Variants in JAG2 observed in about 807,000 individuals in gnomAD.
JAG2 encodes the protein jagged canonical Notch ligand 2, also known as protein jagged-2.
A neutral mutation model predicts 141.7 loss-of-function variants in JAG2; 46 were observed. The observed-to-expected ratio is 0.32, with a 90% CI of 0.26 to 0.42. The LOEUF is 0.42. JAG2 is among the 10% of genes least tolerant of loss of function. The pLI is 1.00. For missense variants in JAG2, 1,500 were observed against 1,817.5 expected (o/e 0.83, Z 3.18); for synonymous variants, 862 against 763.5 (o/e 1.13, Z -2.13).
At chr14:105,143,758 C>G in intron 24 of JAG2, 120 bp from the exon 25 acceptor site, 1 of 1,253,950 alleles carries the variant, frequency 8.0e-7, no homozygotes, top group Non-Finnish European at 1.1e-6. Context: ...GACGAGAGCC[C>G]GGGGTCCTGC....
In JAG2 at chr14:105,145,676, C is replaced by G. The variant is rs587714989; in HGVS notation, c.2952+55G>C. On this transcript the variant is annotated intron_variant, in intron 23 of 25. Coordinates refer to ENST00000331782, the MANE Select transcript of JAG2 (RefSeq NM_002226.5). ...GCGGGGCTAGGCTTTCGCCATGCCA[C>G]GAGCAGATGCCGGCGTGTGGCCTCT... is the stretch of plus-strand genomic sequence containing the variant. 3.9e-6 allele frequency: 6 copies of G among 1,554,374 alleles called. No individual in the cohort carries two copies. The Admixed American group carries it at 9.5e-5, about 25-fold the overall frequency.
At chr14:105,152,479 C>T (rs957963671) in intron 5 of JAG2, among the ~76,000 whole-genome samples, 188 bp from the exon 6 acceptor site, 46 of 152,212 alleles carry the variant, frequency 3.0e-4, no homozygotes, top group Admixed American at 2.9e-3. Context: ...CGGGCATTCC[C>T]GGCCGCTGGC....
chr14:105,166,922 C>T (rs1888929528), intron 2 of JAG2, among the ~76,000 whole-genome samples: 1 of 152,184 alleles, frequency 6.6e-6, no homozygotes, highest in African/African-American at 2.4e-5. Context: ...AGGGCAAGGC[C>T]GTGCTCCAGG....
At position 105,147,370 on chromosome 14, in the gene JAG2, C is replaced by A; in HGVS notation, c.2435G>T (p.Arg812Leu). Residue 812 changes from arginine to leucine, a missense_variant, in exon 20 of 26, where the codon CGC becomes CTC. This residue lies in a region of JAG2 where 875 missense variants were observed against 1,202.2 expected (regional missense o/e 0.73). Transcript: ENST00000331782. ...GICVDGVNWF[R>L]CECAPGFAGP... is the part of the protein sequence containing the mutation. ...CGCGAAGCCAGGTGCACACTCGCAG[C>A]GGAACCAGTTGACGCCGTCAACACA... 4 of 1,590,966 alleles carry A rather than the reference C, an allele frequency of 2.5e-6. No individual in the cohort carries two copies. In the South Asian group the frequency reaches 4.5e-5, roughly 18 times the overall value.
In JAG2 at chr14:105,162,563, CCCAGGGCACCCCAGTT is replaced by C. The variant is rs1338460577; in HGVS notation, c.418-4816_418-4801del. Among the ~76,000 whole-genome samples the C allele has an allele frequency of 2.5e-4, 38 of 151,798 alleles. 1 individual carries two copies. Among genetic ancestry groups the C allele is most frequent in the African/African-American group, 8.5e-4 (35 of 41,372 alleles). On this transcript the variant is annotated intron_variant, in intron 2 of 25. Transcript: ENST00000331782. ...CTGCATGGCCCAGCATACTCCAAGA[CCCAGGGCACCCCAGTT>C]CCAGGGCACCCCAAAGCCCAGGGTA...
In JAG2 at chr14:105,151,925, GC is replaced by G; in HGVS notation, c.1039+12del. ...TGCCTGGCCAGAATTTGGGTGGCCA[GC>G]CCCCCACGTACCCTTCTCACAGTTC... On this transcript the variant is annotated intron_variant, in intron 7 of 25. Coordinates refer to ENST00000331782, the MANE Select transcript of JAG2 (RefSeq NM_002226.5). 6 of 1,612,624 alleles carry G rather than the reference GC, an allele frequency of 3.7e-6. No homozygotes were observed. Among genetic ancestry groups the G allele is most frequent in the Non-Finnish European group, 5.1e-6 (6 of 1,179,990 alleles).
rs1213950568 is a variant in JAG2, at chr14:105,151,608, T to G, written c.1153+18A>C. On this transcript the variant is annotated intron_variant, in intron 8 of 25. Transcript: ENST00000331782. ...CTGATACTAGGCAGGAGTCCCCTACTCACGTGCAGACACTCACCAAGGGCA... is the reference window on the plus strand; with the variant it reads ...CTGATACTAGGCAGGAGTCCCCTACGCACGTGCAGACACTCACCAAGGGCA... 2 of 1,577,456 alleles carry G rather than the reference T, an allele frequency of 1.3e-6. No individual in the cohort carries two copies. Among genetic ancestry groups the G allele is most frequent in the Admixed American group, 1.8e-5 (1 of 55,918 alleles).
rs1254956027 is a variant in JAG2 at position 105,149,326 on chromosome 14, G to C, written c.1603-6C>G. The C allele has an allele frequency of 6.2e-7, 1 of 1,612,442 alleles. No homozygotes were observed. The highest frequency in any genetic ancestry group is 8.5e-7 in the Non-Finnish European group (1 of 1,179,958). On this transcript the variant is annotated splice_region_variant and splice_polypyrimidine_tract_variant and intron_variant, in intron 12 of 25. Coordinates refer to ENST00000331782, the MANE Select transcript of JAG2 (RefSeq NM_002226.5). ...TCACAAAGGTCGACATCCACCTGCAGGGTGGGGGGTGCCTGTGAGAGCCTA... is the reference window on the plus strand; with the variant it reads ...TCACAAAGGTCGACATCCACCTGCACGGTGGGGGGTGCCTGTGAGAGCCTA...
chr14:105,155,936 G>A lies in JAG2; in HGVS notation c.529C>T (p.Arg177Cys), dbSNP rs776290172. The A allele has an allele frequency of 1.1e-5, 17 of 1,610,996 alleles. No individual in the cohort carries two copies. Among genetic ancestry groups the A allele is most frequent in the Admixed American group, 5.0e-5 (3 of 59,960 alleles). Residue 177 changes from arginine to cysteine, a missense_variant, in exon 4 of 26, where the codon CGC (arginine) becomes TGC (cysteine). By Grantham distance (180) the Arg-to-Cys change is radical (BLOSUM62 -3). Coordinates refer to ENST00000331782, the MANE Select transcript of JAG2 (RefSeq NM_002226.5). ...CCGCTGAAGTGCAGGCTCTTCCAGC[G>A]GTCCTCCGGGTTGATCATGCCGGCA... is the stretch of plus-strand genomic sequence containing the variant. ...SHAGMINPEDRWKSLHFSGHV... is the reference protein window; with the variant it reads ...SHAGMINPEDCWKSLHFSGHV...
At chr14:105,150,262 C>A (rs924978961) in intron 12 of JAG2, among the ~76,000 whole-genome samples, 6 of 151,972 alleles carry the variant, frequency 3.9e-5, no homozygotes, top group African/African-American at 1.5e-4. Context: ...CAGGCACCCA[C>A]CCTACCCCAT....
chr14:105,148,433 T>G lies in JAG2; in HGVS notation c.2027A>C (p.Asn676Thr), dbSNP rs1245827938. The change falls in exon 16 of 26, where the codon AAC (asparagine) becomes ACC (threonine). Residue 676 changes from asparagine (N) to threonine (T), a missense_variant. Asn to Thr is a moderately conservative substitution (Grantham distance 65). Around this residue, in one of 3 missense-constraint regions of JAG2, gnomAD observed 875 missense variants for 1,202.2 expected, o/e 0.73. Transcript: ENST00000331782. ...GTGGCAGGGATCGGGAAGGCAGTCG[T>G]TGGGATCTGGGGGCGAGGACGCCGG... ...WEGELCDTNPNDCLPDPCHSR... is the reference protein window; with the variant it reads ...WEGELCDTNPTDCLPDPCHSR... The G allele has an allele frequency of 6.2e-7, 1 of 1,610,710 alleles. No individual in the cohort carries two copies. The highest frequency in any genetic ancestry group is 1.3e-5 in the African/African-American group (1 of 74,700).
rs376370969 is a variant in JAG2 at position 105,141,561 on chromosome 14, G to A, written c.*1134C>T. The A allele has an allele frequency of 2.0e-5, 3 of 152,100 alleles. No individual in the cohort carries two copies. Among genetic ancestry groups the A allele is most frequent in the Admixed American group, 6.5e-5 (1 of 15,274 alleles). The allele number at this position is 152,100 out of a possible 1,614,324, so 9.4% of individuals were successfully genotyped here. On this transcript the variant is annotated 3_prime_UTR_variant, in exon 26 of 26. Transcript: ENST00000331782. ...ACCACCTTGGCATGCCAACGCATTC[G>A]AGGCCCTGGCAGGCCCCGACTCAAC...
At chr14:105,153,615 TG>T (rs780977794) in intron 5 of JAG2, among the ~76,000 whole-genome samples, 10 of 151,700 alleles carry the variant, frequency 6.6e-5, no homozygotes, top group African/African-American at 2.4e-4. Flanking sequence ...CAGCATCCGG[TG>T]GGGGGGCGTC....
At chr14:105,153,049 C>T (rs996058746) in intron 5 of JAG2, among the ~76,000 whole-genome samples, 11 of 151,150 alleles carry the variant, frequency 7.3e-5, no homozygotes, top group Admixed American at 4.6e-4. Flanking sequence ...GAGCCTGCAA[C>T]GACCCCAAGG....
rs1300964609 is a variant in JAG2 at position 105,151,034 on chromosome 14, G to A, written c.1338C>T (p.Tyr446=). The A allele has an allele frequency of 1.2e-6, 2 of 1,613,202 alleles. No individual in the cohort carries two copies. The highest frequency in any genetic ancestry group is 1.6e-4 in the Middle Eastern group (1 of 6,062). Residue 446 remains tyrosine (Y), a synonymous_variant, in exon 10 of 26, where the codon TAC becomes TAT. Transcript: ENST00000331782. The stretch of plus-strand genomic sequence containing the variant: ...CCTTCCAGCCCGGGATGCAATCACA[G>A]TAATAGCCGCCAATCAGGTTTTTGC... ...FSCKNLIGGY[Y]CDCIPGWKGI...
At chr14:105,155,705 C>T in intron 4 of JAG2, 33 bp downstream of exon 4, 1 of 1,612,512 alleles carries the variant, frequency 6.2e-7, no homozygotes, top group African/African-American at 1.3e-5. Flanking sequence ...CGAGGCCCTC[C>T]CTGCCCTCCA....
intron 2 of JAG2, among the ~76,000 whole-genome samples, chr14:105,163,246 G>A (rs1267188183): frequency 1.3e-5 from 2 of 152,214 alleles, no homozygotes; most frequent in African/African-American, 2.4e-5. Flanking sequence ...GTCACCCGAG[G>A]CAGGGAAGAA....
In JAG2 at chr14:105,148,826, T is replaced by G. The variant is rs1309976434; in HGVS notation, c.1939A>C (p.Asn647His). The G allele has an allele frequency of 1.3e-6, 2 of 1,597,214 alleles. No homozygotes were observed. The highest frequency in any genetic ancestry group is 1.7e-6 in the Non-Finnish European group (2 of 1,172,640). Residue 647 changes from asparagine (N) to histidine (H), a missense_variant, in exon 15 of 26, where the codon AAT (asparagine) becomes CAT (histidine). Coordinates refer to ENST00000331782, the MANE Select transcript of JAG2 (RefSeq NM_002226.5). The part of the protein sequence containing the change: ...IDDCLGQPCR[N>H]GGTCIDEVDA... ...ACCTCATCGATGCATGTGCCCCCAT[T>G]GCGGCAGGGCTGGCCCAGGCAGTCG...
chr14:105,163,202 G>A (rs1390286267), intron 2 of JAG2, among the ~76,000 whole-genome samples: 1 of 152,218 alleles, frequency 6.6e-6, no homozygotes, highest in African/African-American at 2.4e-5. Flanking sequence ...CCTGAAACCT[G>A]AGCTTCTGAG....
Sources: allele counts gnomAD v4.1 joint callset (sites outside exome capture counted in the v4.1 genomes callset), GRCh38; gene constraint gnomAD v4.1.1; regional missense constraint gnomAD v4.1.1; transcripts MANE v1.5; gene names NCBI Gene and HGNC (gene_info 2026-07-23, HGNC 2026-07-21).